SPOCK3: variants seen among roughly 807,000 people sequenced by gnomAD.
SPOCK3 encodes the protein SPARC (osteonectin), cwcv and kazal like domains proteoglycan 3, also known as testican-3.
In SPOCK3, 30 loss-of-function variants were observed where a neutral mutation model predicts 56.6. That is an observed-to-expected ratio of 0.53 (90% CI 0.40 to 0.72). The LOEUF is 0.72. Ranked by LOEUF, SPOCK3 falls within the 30% of genes least tolerant of loss-of-function variation. The pLI, the probability that SPOCK3 is intolerant of heterozygous loss-of-function variation, is 0.00. For synonymous variants in SPOCK3, 196 were observed against 183.3 expected (o/e 1.07, Z -0.56); for missense variants, 527 against 530.0 (o/e 0.99, Z 0.06).
intron 2 of SPOCK3, among the ~76,000 whole-genome samples, chr4:167,159,004 T>A (rs1765052397): frequency 6.6e-6 from 1 of 151,896 alleles, no homozygotes; most frequent in African/African-American, 2.4e-5. Context: ...AAAGCAAACA[T>A]CTTACTTGAG....
intron 2 of SPOCK3, among the ~76,000 whole-genome samples, chr4:167,176,558 T>C (rs1731000707): frequency 6.6e-6 from 1 of 152,154 alleles, no homozygotes; most frequent in Non-Finnish European, 1.5e-5. Flanking sequence ...TTGTTGTCAA[T>C]GTATCTTCAC....
At chr4:166,819,875 A>G (rs2126756590) in intron 6 of SPOCK3, among the ~76,000 whole-genome samples, 1 of 151,898 alleles carries the variant, frequency 6.6e-6, no homozygotes, top group African/African-American at 2.4e-5. Context: ...ATGCACCACC[A>G]TGCCCAGATT....
At position 167,185,847 on chromosome 4, in the gene SPOCK3, C is replaced by T. The variant is rs566138962; in HGVS notation, c.189+48138G>A. On this transcript the variant is annotated intron_variant, in intron 2 of 10. Coordinates refer to ENST00000357545, the MANE Select transcript of SPOCK3 (RefSeq NM_001040159.2). ...TAAAATAAAAATGCAAATATTATTT[C>T]ATTTCTTTCCTTCACCCTTATCCCA... is the stretch of plus-strand genomic sequence containing the variant. Among the ~76,000 whole-genome samples, 8 of 152,282 alleles carry T rather than the reference C, an allele frequency of 5.3e-5. No individual in the cohort carries two copies. In the East Asian group the frequency reaches 1.5e-3, roughly 29 times the overall value.
At chr4:166,961,834 T>G (rs1231097568) in intron 4 of SPOCK3, among the ~76,000 whole-genome samples, 1 of 152,152 alleles carries the variant, frequency 6.6e-6, no homozygotes, top group African/African-American at 2.4e-5. Flanking sequence ...ATCTTCTGCC[T>G]CACTTACCAG....
At chr4:167,096,216 C>A (rs1395213002) in intron 2 of SPOCK3, among the ~76,000 whole-genome samples, 3 of 151,852 alleles carry the variant, frequency 2.0e-5, no homozygotes, top group Non-Finnish European at 4.4e-5. Flanking sequence ...CAATCAAAAT[C>A]AAAATCCCGC....
At chr4:167,011,037 T>C (rs1205863339) in intron 3 of SPOCK3, among the ~76,000 whole-genome samples, 7 of 151,744 alleles carry the variant, frequency 4.6e-5, no homozygotes, top group Admixed American at 3.3e-4. Flanking sequence ...ACTTTTAAAC[T>C]AGCACAAAGT....
At chr4:166,801,655 T>C (rs1742609061) in intron 6 of SPOCK3, among the ~76,000 whole-genome samples, 2 of 152,174 alleles carry the variant, frequency 1.3e-5, no homozygotes, top group South Asian at 4.1e-4. Context: ...TTCTGTAATA[T>C]ACAAAATTTA....
At chr4:166,846,395 T>A (rs1046723318) in intron 6 of SPOCK3, among the ~76,000 whole-genome samples, 3 of 152,134 alleles carry the variant, frequency 2.0e-5, no homozygotes, top group African/African-American at 7.2e-5. Flanking sequence ...TAATTTTAGA[T>A]ATTGTAGATT....
chr4:167,073,812 T>C (rs1275644741), intron 2 of SPOCK3, among the ~76,000 whole-genome samples: 1 of 151,938 alleles, frequency 6.6e-6, no homozygotes, highest in Non-Finnish European at 1.5e-5. Context: ...TCATAGTTCA[T>C]GGCTTCTAAA....
intron 5 of SPOCK3, among the ~76,000 whole-genome samples, chr4:166,904,306 C>T (rs558323986): frequency 1.5e-4 from 23 of 151,872 alleles, no homozygotes; most frequent in South Asian, 1.5e-3. Context: ...TAAAAATTAA[C>T]GCATTAGCTT....
intron 2 of SPOCK3, among the ~76,000 whole-genome samples, chr4:167,104,565 G>C (rs1759931285): frequency 6.6e-6 from 1 of 151,798 alleles, no homozygotes; most frequent in Non-Finnish European, 1.5e-5. Context: ...TAAAGAATAA[G>C]AATGAAGCAC....
At chr4:167,100,852 TAG>T (rs1297989631) in intron 2 of SPOCK3, among the ~76,000 whole-genome samples, 1 of 152,128 alleles carries the variant, frequency 6.6e-6, no homozygotes, top group Non-Finnish European at 1.5e-5. Context: ...TTCTGTGAAA[TAG>T]AGAGTGTTAT....
chr4:167,205,201 A>T (rs1733941082), intron 2 of SPOCK3, among the ~76,000 whole-genome samples: 1 of 96,512 alleles, frequency 1.0e-5, no homozygotes, highest in African/African-American at 4.2e-5. Flanking sequence ...TATATCTATA[A>T]TATATATTAT....
chr4:166,749,371 G>T lies in SPOCK3; in HGVS notation c.931+5137C>A, dbSNP rs1280422996. On this transcript the variant is annotated intron_variant, in intron 8 of 10. Transcript: ENST00000357545. ...ATGAAGCTGGAAACTATCATTCTGA[G>T]CAAACTATCACAAGGACAGAAAACC... 3.3e-5 allele frequency among the ~76,000 whole-genome samples: 3 copies of T among 91,104 alleles called. 1 individual carries two copies. Among genetic ancestry groups the T allele is most frequent in the Non-Finnish European group, 6.6e-5 (3 of 45,426 alleles). The allele number at this position is 91,104 out of a possible 152,430, so 59.8% of individuals were successfully genotyped here.
intron 2 of SPOCK3, among the ~76,000 whole-genome samples, chr4:167,205,747 G>A (rs1346632604): frequency 6.8e-6 from 1 of 147,424 alleles, no homozygotes; most frequent in African/African-American, 2.5e-5. Context: ...GGAGTAGCTG[G>A]GATTACAGGC....
At chr4:167,185,015 T>C (rs2110792545) in intron 2 of SPOCK3, among the ~76,000 whole-genome samples, 1 of 152,286 alleles carries the variant, frequency 6.6e-6, no homozygotes, top group East Asian at 1.9e-4. Context: ...GTTGGTTACC[T>C]TTTATCTGCC....
In SPOCK3 at chr4:167,154,808, C is replaced by T. The variant is rs550170383; in HGVS notation, c.189+79177G>A. ...GGAGTCCATGGTTGAGAAATAGAAGCCCTGTAGAATAGCATCTCCAAAATC... is the reference window on the plus strand; with the variant it reads ...GGAGTCCATGGTTGAGAAATAGAAGTCCTGTAGAATAGCATCTCCAAAATC... On this transcript the variant is annotated intron_variant, in intron 2 of 10. Coordinates refer to ENST00000357545, the MANE Select transcript of SPOCK3 (RefSeq NM_001040159.2). Among the ~76,000 whole-genome samples the T allele has an allele frequency of 1.8e-3, 276 of 152,152 alleles. 1 individual carries two copies. The highest frequency in any genetic ancestry group is 3.1e-3 in the Non-Finnish European group (208 of 68,012).
chr4:166,876,618 G>A (rs1733113051), intron 6 of SPOCK3, among the ~76,000 whole-genome samples: 1 of 152,074 alleles, frequency 6.6e-6, no homozygotes, highest in African/African-American at 2.4e-5. Flanking sequence ...TTTTATAGTG[G>A]TGATGAACAT....
At chr4:167,157,844 C>T (rs370624936) in intron 2 of SPOCK3, among the ~76,000 whole-genome samples, 2 of 151,722 alleles carry the variant, frequency 1.3e-5, no homozygotes, top group East Asian at 1.9e-4. Context: ...CCCCTTCTGC[C>T]TGTATTTCTT....
Sources: allele counts gnomAD v4.1 joint callset (sites outside exome capture counted in the v4.1 genomes callset), GRCh38; gene constraint gnomAD v4.1.1; transcripts MANE v1.5; gene names NCBI Gene and HGNC (gene_info 2026-07-23, HGNC 2026-07-21).